The following TBC1D14 variants were observed in gnomAD, a reference collection of about 807,000 sequenced individuals.
The protein encoded by TBC1D14 is TBC1 domain family, member 14.
A neutral mutation model predicts 79.0 loss-of-function variants in TBC1D14; 26 were observed. The ratio of observed to expected loss-of-function variants is 0.33; its 90% CI spans 0.24 to 0.46. The LOEUF (loss-of-function observed/expected upper bound fraction) is 0.46. Among genes scored for constraint, TBC1D14 ranks in the 20% least tolerant of loss-of-function variants. The pLI, the probability that TBC1D14 is intolerant of heterozygous loss-of-function variation, is 1.00. For synonymous variants in TBC1D14, 394 were observed against 349.9 expected (o/e 1.13, Z -1.40); for missense variants, 769 against 887.6 (o/e 0.87, Z 1.70).
At chr4:6,960,123 C>T (rs1715051391) in intron 2 of TBC1D14, among the ~76,000 whole-genome samples, 1 of 147,838 alleles carries the variant, frequency 6.8e-6, no homozygotes, top group Non-Finnish European at 1.5e-5. Flanking sequence ...GCTCTGTCAC[C>T]CAGGCTGGAG....
rs1256043339 is a variant in TBC1D14, at chr4:7,032,821, C to T, written c.*2429C>T. 1 of 152,244 alleles carries T rather than the reference C, an allele frequency of 6.6e-6. No individual in the cohort carries two copies. The highest frequency in any genetic ancestry group is 1.5e-5 in the Non-Finnish European group (1 of 68,036). The allele number at this position is 152,244 out of a possible 1,614,324, so 9.4% of individuals were successfully genotyped here. A position where few individuals can be genotyped will look rare whatever the true frequency, so the allele number is the denominator to read the frequency against. On this transcript the variant is annotated 3_prime_UTR_variant, in exon 14 of 14. Transcript: ENST00000409757. ...TGCCGTTGACTCTCACAGTCTAAGA[C>T]TTCAGGGCCGGGACCTTTGTCCAGC...
At chr4:6,998,395 A>C (rs981517817) in intron 5 of TBC1D14, among the ~76,000 whole-genome samples, 1 of 150,756 alleles carries the variant, frequency 6.6e-6, no homozygotes, top group Non-Finnish European at 1.5e-5. Context: ...GAACTGTTGG[A>C]AGTCAGCATG....
chr4:6,959,713 T>C (rs1031519612), intron 2 of TBC1D14, among the ~76,000 whole-genome samples: 1 of 152,218 alleles, frequency 6.6e-6, no homozygotes, highest in Admixed American at 6.5e-5. Context: ...TTTTTATGTC[T>C]CTTCCAAAGG....
chr4:6,910,759 C>T (rs1722919709), intron 1 of TBC1D14, among the ~76,000 whole-genome samples: 1 of 152,182 alleles, frequency 6.6e-6, no homozygotes, highest in Non-Finnish European at 1.5e-5. Context: ...CCTGACCAGG[C>T]CACGTGAAGT....
At chr4:7,003,171 T>C (rs1194576904) in intron 7 of TBC1D14, among the ~76,000 whole-genome samples, 1 of 152,168 alleles carries the variant, frequency 6.6e-6, no homozygotes, top group African/African-American at 2.4e-5. Context: ...GTGGTAGCTG[T>C]CCAGCCTCCA....
intron 6 of TBC1D14, among the ~76,000 whole-genome samples, chr4:6,999,844 CAG>C (rs1463906537): frequency 1.3e-5 from 2 of 152,132 alleles, no homozygotes; most frequent in Admixed American, 6.5e-5. Context: ...CCCCAGTGTC[CAG>C]TAGAGTGCAC....
In TBC1D14 at chr4:6,910,898, A is replaced by G. The variant is rs181055737; in HGVS notation, c.-18+947A>G. Among the ~76,000 whole-genome samples the G allele has an allele frequency of 1.3e-4, 20 of 152,196 alleles. No individual in the cohort carries two copies. In the East Asian group the frequency reaches 3.7e-3, roughly 28 times the overall value. ...GAGGTCCCTGGGCATCACCTTGGTT[A>G]TTTCACGCACTGAGGCTAGATGAGG... On this transcript the variant is annotated intron_variant, in intron 1 of 13. Transcript: ENST00000409757.
chr4:6,950,546 C>A (rs1299339067), intron 2 of TBC1D14, among the ~76,000 whole-genome samples: 1 of 151,708 alleles, frequency 6.6e-6, no homozygotes, highest in Non-Finnish European at 1.5e-5. Context: ...CCATAGGATA[C>A]CTTTTATCAG....
In TBC1D14 at chr4:6,960,568, C is replaced by G. The variant is rs552280412; in HGVS notation, c.723-6736C>G. ...TCCCTTCAAAAAAATGCCTGTTGGCCTCCTGAAAGCTGCCTGTGAGTGTAT... is the reference window on the plus strand; with the variant it reads ...TCCCTTCAAAAAAATGCCTGTTGGCGTCCTGAAAGCTGCCTGTGAGTGTAT... On this transcript the variant is annotated intron_variant, in intron 2 of 13. Coordinates refer to ENST00000409757, the MANE Select transcript of TBC1D14 (RefSeq NM_020773.3). 2.7e-4 allele frequency among the ~76,000 whole-genome samples: 41 copies of G among 152,266 alleles called. 1 individual carries two copies. In the South Asian group the frequency reaches 8.1e-3, roughly 30 times the overall value.
At position 7,006,698 on chromosome 4, in the gene TBC1D14, C is replaced by G; in HGVS notation, c.1418C>G (p.Thr473Arg). The G allele has an allele frequency of 6.2e-7, 1 of 1,613,884 alleles. No individual in the cohort carries two copies. The highest frequency in any genetic ancestry group is 8.5e-7 in the Non-Finnish European group (1 of 1,179,914). Residue 473 changes from threonine to arginine, a missense_variant, in exon 9 of 14, where the codon ACA (threonine) becomes AGA (arginine). Around this residue, in one of 2 missense-constraint regions of TBC1D14, gnomAD observed 367 missense variants for 494.4 expected, o/e 0.74. Transcript: ENST00000409757. ...LELIKLDISRTFPNLCIFQQG... is the reference protein window; with the variant it reads ...LELIKLDISRRFPNLCIFQQG... ...CTTATTAAACTGGACATTTCTAGAA[C>G]ATTTCCTAATCTCTGCATTTTCCAG...
intron 12 of TBC1D14, among the ~76,000 whole-genome samples, chr4:7,021,712 A>T (rs1376609702): frequency 6.6e-6 from 1 of 152,064 alleles, no homozygotes; most frequent in East Asian, 1.9e-4. Flanking sequence ...TTTTAAAAAA[A>T]TACCATTTTT....
At chr4:6,987,415 C>A in intron 3 of TBC1D14, 1 of 1,314,578 alleles carries the variant, frequency 7.6e-7, no homozygotes, top group Non-Finnish European at 9.8e-7. Flanking sequence ...GTGGGCCTGT[C>A]CTGTCCTGGG....
At chr4:6,951,881 A>G (rs1714075053) in intron 2 of TBC1D14, among the ~76,000 whole-genome samples, 1 of 152,138 alleles carries the variant, frequency 6.6e-6, no homozygotes, top group African/African-American at 2.4e-5. Flanking sequence ...GGTATAATAT[A>G]TAAATTGTGA....
intron 2 of TBC1D14, among the ~76,000 whole-genome samples, chr4:6,961,206 T>G (rs2109030789): frequency 1.5e-5 from 1 of 68,672 alleles, no homozygotes; most frequent in South Asian, 6.0e-4. Context: ...TCTCTCTGGC[T>G]TACAGGTAGG....
chr4:6,913,789 A>G (rs1459901761), intron 1 of TBC1D14, among the ~76,000 whole-genome samples: 1 of 152,254 alleles, frequency 6.6e-6, no homozygotes, highest in Non-Finnish European at 1.5e-5. Flanking sequence ...GTAATTTACC[A>G]AATCACTAAG....
intron 2 of TBC1D14, among the ~76,000 whole-genome samples, chr4:6,965,360 C>T (rs886709239): frequency 1.3e-5 from 2 of 152,056 alleles, no homozygotes; most frequent in African/African-American, 4.8e-5. Flanking sequence ...AGTTCCTCAG[C>T]CTTTCTTTGT....
At chr4:6,979,629 CA>C (rs1560303358) in intron 3 of TBC1D14, among the ~76,000 whole-genome samples, 1 of 151,980 alleles carries the variant, frequency 6.6e-6, no homozygotes, top group Non-Finnish European at 1.5e-5. Flanking sequence ...AAAAAAAACA[CA>C]AAACCATAGA....
intron 2 of TBC1D14, among the ~76,000 whole-genome samples, chr4:6,935,791 G>A (rs1712261012): frequency 6.6e-6 from 1 of 151,786 alleles, no homozygotes; most frequent in Non-Finnish European, 1.5e-5. Flanking sequence ...TTACAGGCAT[G>A]TGCCACCACA....
intron 4 of TBC1D14, among the ~76,000 whole-genome samples, chr4:6,994,591 G>A (rs569725259): frequency 2.0e-5 from 3 of 152,294 alleles, no homozygotes; most frequent in African/African-American, 7.2e-5. Flanking sequence ...GCTCACGCCT[G>A]TAATCCCTGC....
Sources: gnomAD v4.1 joint callset for allele counts (sites outside exome capture counted in the v4.1 genomes callset) on GRCh38, gnomAD v4.1.1 for gene constraint, gnomAD v4.1.1 regional missense constraint, MANE v1.5 for transcripts, NCBI Gene and HGNC (gene_info 2026-07-23, HGNC 2026-07-21) for gene names.